Variants in WASF1 observed in about 807,000 individuals in gnomAD.
WASF1 encodes WASP family member 1.
Under a neutral mutation model 50.5 loss-of-function variants are expected in WASF1, and 7 were observed. The observed-to-expected ratio is 0.14, with a 90% CI of 0.08 to 0.26. The LOEUF (loss-of-function observed/expected upper bound fraction) is 0.26. Ranked by LOEUF, WASF1 falls within the 10% of genes least tolerant of loss-of-function variation. The pLI is 1.00. For missense variants in WASF1, 470 were observed against 694.7 expected (o/e 0.68, Z 3.64); for synonymous variants, 205 against 244.0 (o/e 0.84, Z 1.49).
chr6:110,130,498 G>T (rs184280465), intron 3 of WASF1, among the ~76,000 whole-genome samples: 1 of 152,042 alleles, frequency 6.6e-6, no homozygotes, highest in East Asian at 1.9e-4. Flanking sequence ...ATTATTTTAT[G>T]CCTTGCCTTT....
At chr6:110,169,718 G>A (rs1013120580) in intron 2 of WASF1, among the ~76,000 whole-genome samples, 7 of 152,070 alleles carry the variant, frequency 4.6e-5, no homozygotes, top group African/African-American at 1.7e-4. Flanking sequence ...AAATTTTAGT[G>A]ACTATTGTAA....
At chr6:110,104,502 G>C (rs1773231792) in intron 8 of WASF1, among the ~76,000 whole-genome samples, 1 of 151,972 alleles carries the variant, frequency 6.6e-6, no homozygotes, top group Non-Finnish European at 1.5e-5. Context: ...AAAATCATAT[G>C]ACTAGGCTGG....
chr6:110,116,927 T>G (rs1018108595), intron 4 of WASF1, among the ~76,000 whole-genome samples: 1 of 152,124 alleles, frequency 6.6e-6, no homozygotes, highest in Non-Finnish European at 1.5e-5. Context: ...CCAACAGACC[T>G]GTAGCTGAGG....
chr6:110,114,296 CA>C (rs1050063363), intron 4 of WASF1, among the ~76,000 whole-genome samples: 1 of 152,090 alleles, frequency 6.6e-6, no homozygotes, highest in African/African-American at 2.4e-5. Flanking sequence ...CTCTCAAGTA[CA>C]AGAAAGTCAT....
At chr6:110,116,441 A>T (rs1773812304) in intron 4 of WASF1, among the ~76,000 whole-genome samples, 3 of 152,130 alleles carry the variant, frequency 2.0e-5, no homozygotes, top group African/African-American at 7.2e-5. Flanking sequence ...CTAGTGCGGC[A>T]GTCTGAGATC....
At chr6:110,115,595 G>A (rs1363985918) in intron 4 of WASF1, among the ~76,000 whole-genome samples, 3 of 152,256 alleles carry the variant, frequency 2.0e-5, no homozygotes, top group East Asian at 1.9e-4. Flanking sequence ...CCACTTGCCC[G>A]CAAACATGAC....
intron 3 of WASF1, among the ~76,000 whole-genome samples, chr6:110,148,836 AGTGATACAGAAGCAT>A (rs1775696905): frequency 6.6e-6 from 1 of 152,210 alleles, no homozygotes; most frequent in South Asian, 2.1e-4. Context: ...ACTATGTGAT[AGTGATACAGAAGCAT>A]GTCAACTCAA....
chr6:110,138,658 G>A (rs1273097126), intron 3 of WASF1, among the ~76,000 whole-genome samples: 7 of 152,200 alleles, frequency 4.6e-5, no homozygotes, highest in African/African-American at 1.7e-4. Flanking sequence ...TAGGGAGGTT[G>A]TCCCAATGAG....
intron 4 of WASF1, among the ~76,000 whole-genome samples, chr6:110,114,742 G>C (rs1562165530): frequency 6.6e-6 from 1 of 151,814 alleles, no homozygotes; most frequent in Admixed American, 6.6e-5. Flanking sequence ...CCAAGAGGCA[G>C]CAGATGAGTT....
intron 3 of WASF1, among the ~76,000 whole-genome samples, chr6:110,147,944 G>A (rs1000154908): frequency 2.0e-5 from 3 of 152,050 alleles, no homozygotes; most frequent in Admixed American, 6.5e-5. Context: ...ACGAGATTTT[G>A]CCATGTTGCC....
At chr6:110,122,138 A>G (rs1447120868) in intron 4 of WASF1, among the ~76,000 whole-genome samples, 2 of 152,108 alleles carry the variant, frequency 1.3e-5, no homozygotes, top group Non-Finnish European at 2.9e-5. Flanking sequence ...TACCTATGTA[A>G]CAAACCTGCA....
At chr6:110,153,792 G>GAAAAAAAAAAA (rs200326015) in intron 3 of WASF1, among the ~76,000 whole-genome samples, 1 of 128,314 alleles carries the variant, frequency 7.8e-6, no homozygotes. Context: ...CCTCAAAAAA[G>GAAAAAAAAAAA]AAAAAAAAAA....
chr6:110,141,522 C>A (rs1406715285), intron 3 of WASF1, among the ~76,000 whole-genome samples: 1 of 152,064 alleles, frequency 6.6e-6, no homozygotes, highest in South Asian at 2.1e-4. Flanking sequence ...ATGCATCTAC[C>A]GAATTACTAC....
Position 110,135,721 on chromosome 6 carries a change from C to CTTTT in WASF1, c.-28-8096_-28-8093dup, listed in dbSNP as rs139834112. Among the ~76,000 whole-genome samples the CTTTT allele has an allele frequency of 7.3e-4, 54 of 73,530 alleles. 3 individuals carry two copies. Among genetic ancestry groups the CTTTT allele is most frequent in the African/African-American group, 2.1e-3 (41 of 19,172 alleles). 48.2% of individuals were successfully genotyped at this position (73,530 alleles called of 152,430 possible). A position where few individuals can be genotyped will look rare whatever the true frequency, so the allele number is the denominator to read the frequency against. On this transcript the variant is annotated intron_variant, in intron 3 of 10. Coordinates refer to ENST00000392589, the MANE Select transcript of WASF1 (RefSeq NM_003931.3). ...GCTGACCTCAAAATAGGAAGATTAT[C>CTTTT]TTTTTTTTTTTTTTTTTTTTTTTTT...
intron 2 of WASF1, among the ~76,000 whole-genome samples, chr6:110,171,648 A>C (rs1776719987): frequency 6.6e-6 from 1 of 152,108 alleles, no homozygotes; most frequent in Non-Finnish European, 1.5e-5. Context: ...AATACACCAA[A>C]AGCAATGGCA....
intron 4 of WASF1, among the ~76,000 whole-genome samples, chr6:110,114,052 G>C (rs1773686390): frequency 1.3e-5 from 2 of 152,152 alleles, no homozygotes; most frequent in Non-Finnish European, 2.9e-5. Context: ...GTGTAATACT[G>C]TATTACTGTA....
Position 110,105,465 on chromosome 6 carries a change from T to C in WASF1, c.655A>G (p.Asn219Asp), listed in dbSNP as rs753179108. The change falls in exon 8 of 11, where the codon AAT becomes GAT. Residue 219 changes from asparagine to aspartate, a missense_variant. This residue lies in a region of WASF1 where 294 missense variants were observed against 343.5 expected (regional missense o/e 0.86). Coordinates refer to ENST00000392589, the MANE Select transcript of WASF1 (RefSeq NM_003931.3). ...ACTTCAATATGCTTATGTAAGAGATTAGCATCATCTTCAGCCAGCTCTGGA... is the reference window on the plus strand; with the variant it reads ...ACTTCAATATGCTTATGTAAGAGATCAGCATCATCTTCAGCCAGCTCTGGA... ...QGPELAEDDA[N>D]LLHKHIEVAN... is the part of the protein sequence containing the mutation. 5.0e-6 allele frequency: 8 copies of C among 1,613,978 alleles called. No homozygotes were observed. Among genetic ancestry groups the C allele is most frequent in the African/African-American group, 1.3e-5 (1 of 75,034 alleles).
At chr6:110,142,968 A>AC (rs1172378141) in intron 3 of WASF1, among the ~76,000 whole-genome samples, 30 of 150,766 alleles carry the variant, frequency 2.0e-4, no homozygotes, top group Admixed American at 1.4e-3. Flanking sequence ...AAAAAAAAAA[A>AC]AAAAACTAAA....
At chr6:110,170,461 T>G (rs1028282021) in intron 2 of WASF1, among the ~76,000 whole-genome samples, 1 of 152,112 alleles carries the variant, frequency 6.6e-6, no homozygotes, top group African/African-American at 2.4e-5. Flanking sequence ...TGGGCTCAAG[T>G]GATTGGCCTG....
Sources: allele counts gnomAD v4.1 joint callset (sites outside exome capture counted in the v4.1 genomes callset), GRCh38; gene constraint gnomAD v4.1.1; regional missense constraint gnomAD v4.1.1; transcripts MANE v1.5; gene names NCBI Gene and HGNC (gene_info 2026-07-23, HGNC 2026-07-21).